The following PTPRS variants were observed in gnomAD, a reference collection of about 807,000 sequenced individuals.
PTPRS encodes the protein receptor-type tyrosine-protein phosphatase S.
Under a neutral mutation model 215.3 loss-of-function variants are expected in PTPRS, and 63 were observed. That is an observed-to-expected ratio of 0.29 (90% CI 0.24 to 0.36). PTPRS has a LOEUF of 0.36. Among genes scored for constraint, PTPRS ranks in the 10% least tolerant of loss-of-function variants. The probability of loss-of-function intolerance (pLI) is 1.00; values close to 1 mark genes in which losing one functional copy is unlikely to be tolerated. For synonymous variants in PTPRS, 1,404 were observed against 1,191.4 expected (o/e 1.18, Z -3.68); for missense variants, 2,258 against 2,825.8 (o/e 0.80, Z 4.56).
At position 5,265,169 on chromosome 19, in the gene PTPRS, T is replaced by A; in HGVS notation, c.407A>T (p.Asn136Ile). ...REDQLPSGFP[N>I]IDMGPQLKVV... is the part of the protein sequence containing the mutation. The stretch of plus-strand genomic sequence containing the variant: ...CTTCAACTGTGGGCCCATGTCGATG[T>A]TGGGGAAGCCAGAGGGCAGCTGGTC... The change falls in exon 5 of 38, where the codon AAC becomes ATC. Residue 136 changes from asparagine to isoleucine, a missense_variant. Coordinates refer to ENST00000262963, the MANE Select transcript of PTPRS (RefSeq NM_002850.4). 1 of 1,613,758 alleles carries A rather than the reference T, an allele frequency of 6.2e-7. No individual in the cohort carries two copies. Among genetic ancestry groups the A allele is most frequent in the Non-Finnish European group, 8.5e-7 (1 of 1,179,874 alleles).
intron 17 of PTPRS, among the ~76,000 whole-genome samples, chr19:5,225,020 A>ACCCCCCG (rs1568413533): frequency 1.3e-5 from 2 of 149,620 alleles, no homozygotes; most frequent in African/African-American, 4.9e-5. Context: ...CCCACCCCCC[A>ACCCCCCG]AGTCTTTTTC....
At chr19:5,221,611 C>G (rs891239175) in intron 19 of PTPRS, among the ~76,000 whole-genome samples, 6 of 152,120 alleles carry the variant, frequency 3.9e-5, no homozygotes, top group African/African-American at 1.4e-4. Context: ...AGCGCTGACC[C>G]TAGGTGGAAA....
intron 13 of PTPRS, among the ~76,000 whole-genome samples, chr19:5,235,325 G>C (rs565659743): frequency 2.0e-5 from 3 of 152,084 alleles, no homozygotes; most frequent in African/African-American, 7.2e-5. Flanking sequence ...ACCTGGCACC[G>C]TGTGCCAGGC....
At chr19:5,307,515 T>TGG (rs373181732) in intron 1 of PTPRS, among the ~76,000 whole-genome samples, 6 of 151,780 alleles carry the variant, frequency 4.0e-5, no homozygotes, top group African/African-American at 1.5e-4. Context: ...TATTTTTAAG[T>TGG]GGGGGGGAAG....
intron 1 of PTPRS, among the ~76,000 whole-genome samples, chr19:5,308,677 G>C (rs1037272963): frequency 2.3e-4 from 35 of 152,342 alleles, no homozygotes; most frequent in African/African-American, 7.5e-4. Flanking sequence ...AGGGTGGGCA[G>C]GGACCTGGCA....
At chr19:5,229,748 C>T (rs937396827) in intron 14 of PTPRS, 64 bp from the exon 15 acceptor site, 10 of 1,016,880 alleles carry the variant, frequency 9.8e-6, no homozygotes, top group African/African-American at 8.4e-5. Flanking sequence ...GGCCCTGCCC[C>T]GGGCAGTGCC....
At chr19:5,317,270 G>A (rs1187373514) in intron 1 of PTPRS, among the ~76,000 whole-genome samples, 1 of 152,126 alleles carries the variant, frequency 6.6e-6, no homozygotes, top group South Asian at 2.1e-4. Context: ...TCAAGAGTTC[G>A]AGACCAGCCC....
intron 17 of PTPRS, 115 bp from the exon 18 acceptor site, chr19:5,223,412 G>GT (rs200128302): frequency 7.9e-7 from 1 of 1,265,016 alleles, no homozygotes. Context: ...TTTGAGTTGG[G>GT]GGGGGTCTTA....
At position 5,210,413 on chromosome 19, in the gene PTPRS, C is replaced by T. The variant is rs1383904853; in HGVS notation, c.5487+56G>A. 1.2e-6 allele frequency: 2 copies of T among 1,610,994 alleles called. No individual in the cohort carries two copies. The highest frequency in any genetic ancestry group is 2.7e-5 in the African/African-American group (2 of 74,890). ...TTGTATCCATCACCAACCAGGGCAG[C>T]CCTTTCCAGATCACTAAGGCTCCAG... is the stretch of plus-strand genomic sequence containing the variant. On this transcript the variant is annotated intron_variant, in intron 35 of 37. Coordinates refer to ENST00000262963, the MANE Select transcript of PTPRS (RefSeq NM_002850.4). This position sits in a 1 kb window ranked among gnomAD's most constrained non-coding sequence, Gnocchi z 4.5.
chr19:5,278,095 C>T (rs1168101335), intron 2 of PTPRS: 1 of 751,650 alleles, frequency 1.3e-6, no homozygotes, highest in African/African-American at 1.8e-5. Context: ...CCGTCAGAGT[C>T]ACCAACCCCA....
At chr19:5,229,722 C>G in intron 14 of PTPRS, 38 bp from the exon 15 acceptor site, 1 of 1,210,312 alleles carries the variant, frequency 8.3e-7, no homozygotes. Context: ...CGGGCGGAGC[C>G]GTTACCAGGG....
intron 7 of PTPRS, among the ~76,000 whole-genome samples, chr19:5,260,005 C>T (rs1405670793): frequency 1.3e-5 from 2 of 152,058 alleles, no homozygotes; most frequent in African/African-American, 4.8e-5. Context: ...GATTCTTCCC[C>T]AGGTTCCCAC....
At chr19:5,236,264 G>A (rs1568443072) in intron 13 of PTPRS, among the ~76,000 whole-genome samples, 1 of 152,190 alleles carries the variant, frequency 6.6e-6, no homozygotes, top group Non-Finnish European at 1.5e-5. Context: ...TTTTACAGGT[G>A]AGCCCATTTT....
intron 4 of PTPRS, among the ~76,000 whole-genome samples, chr19:5,265,946 T>A (rs765892865): frequency 2.0e-5 from 3 of 152,228 alleles, no homozygotes; most frequent in East Asian, 1.9e-4. Flanking sequence ...TTTTAAAAAA[T>A]TTTTAAACAG....
Position 5,222,933 on chromosome 19 carries a change from G to A in PTPRS, c.2859C>T (p.Pro953=), listed in dbSNP as rs369479434. 2.6e-4 allele frequency: 406 copies of A among 1,558,226 alleles called. No individual in the cohort carries two copies. The highest frequency in any genetic ancestry group is 4.9e-4 in the African/African-American group (36 of 73,202). Residue 953 remains proline (P), a synonymous_variant, in exon 18 of 38, where the codon CCC becomes CCT. Transcript: ENST00000262963. Reference sequence around the variant, plus strand: ...TGGCCCCGTTGCGCTCGGCGGGCACGGGTGGCAGCCAGCGGAGAAGGACGG... The same window carrying A: ...TGGCCCCGTTGCGCTCGGCGGGCACAGGTGGCAGCCAGCGGAGAAGGACGG... The part of the protein sequence containing the change: ...AGTVLLRWLP[P]VPAERNGAIV...
intron 2 of PTPRS, among the ~76,000 whole-genome samples, chr19:5,274,975 A>G (rs1017092): frequency 0.74 from 111,805 of 151,902 alleles, 41,565 homozygotes; most frequent in African/African-American, 0.81. Flanking sequence ...GAGTGCTCTG[A>G]GCTGGAGGCA....
At chr19:5,239,632 C>T (rs1036674952) in intron 12 of PTPRS, among the ~76,000 whole-genome samples, 1 of 144,914 alleles carries the variant, frequency 6.9e-6, no homozygotes, top group African/African-American at 2.6e-5. Context: ...CAGACAGAAA[C>T]GGAGGAGAGA....
chr19:5,284,725 T>A (rs2048192224), intron 2 of PTPRS, among the ~76,000 whole-genome samples: 1 of 152,018 alleles, frequency 6.6e-6, no homozygotes, highest in African/African-American at 2.4e-5. Flanking sequence ...GGCAGGTGGA[T>A]TGCTTGAGCT....
chr19:5,238,365 C>G (rs1195951079), intron 13 of PTPRS, among the ~76,000 whole-genome samples: 1 of 152,150 alleles, frequency 6.6e-6, no homozygotes, highest in Non-Finnish European at 1.5e-5. Context: ...GGCCTCGGCT[C>G]CGATTCCACC....
Sources: allele counts gnomAD v4.1 joint callset (sites outside exome capture counted in the v4.1 genomes callset), GRCh38; gene constraint gnomAD v4.1.1; non-coding constraint Gnocchi (gnomAD v3.1); transcripts MANE v1.5; gene names NCBI Gene and HGNC (gene_info 2026-07-23, HGNC 2026-07-21).